Variants in CTBP2 observed in about 807,000 individuals in gnomAD.
CTBP2 encodes the protein C-terminal binding protein 2, also known as C-terminal-binding protein 2.
In CTBP2, 30 loss-of-function variants were observed where a neutral mutation model predicts 80.3. The observed-to-expected ratio is 0.37, with a 90% CI of 0.28 to 0.51. The LOEUF is 0.51. Among genes scored for constraint, CTBP2 ranks in the 20% least tolerant of loss-of-function variants. CTBP2 has a pLI of 0.93. For missense variants in CTBP2, 1,212 were observed against 1,375.3 expected (o/e 0.88, Z 1.88); for synonymous variants, 594 against 587.4 (o/e 1.01, Z -0.16).
At chr10:125,014,155 G>A (rs1206156551) in intron 1 of CTBP2, among the ~76,000 whole-genome samples, 3 of 152,196 alleles carry the variant, frequency 2.0e-5, no homozygotes, top group Non-Finnish European at 2.9e-5. Context: ...ATAGTAACAC[G>A]TGTGTGCTGG....
At chr10:125,054,007 C>T (rs1012492745) in intron 2 of CTBP2, among the ~76,000 whole-genome samples, 1 of 152,138 alleles carries the variant, frequency 6.6e-6, no homozygotes, top group Non-Finnish European at 1.5e-5. Context: ...CAGCCACCCA[C>T]CGGTGACACA....
chr10:125,046,624 C>T lies in CTBP2; in HGVS notation c.-101-7469G>A, dbSNP rs140310374. The stretch of plus-strand genomic sequence containing the variant: ...TCTGTCCATCTAACTCCCACCAAAA[C>T]ATTCTTAGGGGCTTTGAAATGACCA... On this transcript the variant is annotated intron_variant, in intron 2 of 10. Coordinates refer to the CTBP2 transcript ENST00000337195. Among the ~76,000 whole-genome samples the T allele has an allele frequency of 1.3e-3, 192 of 150,686 alleles. 1 individual carries two copies. The highest frequency in any genetic ancestry group is 4.4e-3 in the African/African-American group (179 of 41,052).
chr10:125,048,325 T>C (rs941234113), intron 2 of CTBP2, among the ~76,000 whole-genome samples: 4 of 152,018 alleles, frequency 2.6e-5, no homozygotes, highest in Non-Finnish European at 4.4e-5. Context: ...CTCATTTCTA[T>C]CCCAACTTAA....
At chr10:125,011,530 T>C (rs1454282579) in intron 1 of CTBP2, among the ~76,000 whole-genome samples, 1 of 152,196 alleles carries the variant, frequency 6.6e-6, no homozygotes, top group Non-Finnish European at 1.5e-5. Flanking sequence ...ACGAAGAGCA[T>C]GTGTGGTATC....
At chr10:125,038,003 TA>T (rs573257031) in intron 3 of CTBP2, among the ~76,000 whole-genome samples, 94 of 152,310 alleles carry the variant, frequency 6.2e-4, no homozygotes, top group Admixed American at 1.8e-3. Flanking sequence ...ATGTTTACTT[TA>T]AAAAAACCCT....
At chr10:125,124,679 A>C (rs962732668) in intron 1 of CTBP2, among the ~76,000 whole-genome samples, 1 of 152,246 alleles carries the variant, frequency 6.6e-6, no homozygotes, top group Non-Finnish European at 1.5e-5. Context: ...CAAAAATTAT[A>C]TTCTACATAC....
At chr10:125,116,543 C>T (rs114403294) in intron 1 of CTBP2, among the ~76,000 whole-genome samples, 1 of 152,144 alleles carries the variant, frequency 6.6e-6, no homozygotes, top group Admixed American at 6.5e-5. Context: ...TATCAGAAGC[C>T]GAGCTAAAGC....
intron 2 of CTBP2, among the ~76,000 whole-genome samples, chr10:125,098,694 G>GAC (rs1850024668): frequency 6.6e-5 from 9 of 135,892 alleles, no homozygotes; most frequent in South Asian, 5.0e-4. Flanking sequence ...GAGAGAGAGA[G>GAC]AGAGAGAGAG....
Position 125,136,783 on chromosome 10 carries a change from G to A in CTBP2, c.-206+23536C>T, listed in dbSNP as rs149075067. Among the ~76,000 whole-genome samples, 605 of 152,310 alleles carry A rather than the reference G, an allele frequency of 4.0e-3. 2 individuals carry two copies. Among genetic ancestry groups the A allele is most frequent in the Middle Eastern group, 0.01 (3 of 294 alleles). ...GACAGTTACAAGACACCGTCCAAACGCTGCCTATTAGTCCCCCCAAAACAG... is the reference window on the plus strand; with the variant it reads ...GACAGTTACAAGACACCGTCCAAACACTGCCTATTAGTCCCCCCAAAACAG... On this transcript the variant is annotated intron_variant, in intron 1 of 10. Transcript: ENST00000337195.
chr10:125,057,803 T>C (rs1045570969), intron 2 of CTBP2, among the ~76,000 whole-genome samples: 6 of 152,290 alleles, frequency 3.9e-5, no homozygotes, highest in African/African-American at 1.2e-4. Context: ...CAGCTTACCT[T>C]TTAAACACTC....
rs543841073 is a variant in CTBP2, at chr10:124,984,670, C to T, written c.*4848G>A. ...CATGTGAAAAGTTGATTGCTTTGGC[C>T]TTTTCATGAGTTAGCATACCAGCTG... On this transcript the variant is annotated 3_prime_UTR_variant, in exon 9 of 9. Coordinates refer to ENST00000309035, the MANE Select transcript of CTBP2 (RefSeq NM_022802.3). 3 of 1,202,896 alleles carry T rather than the reference C, an allele frequency of 2.5e-6. No homozygotes were observed. The highest frequency in any genetic ancestry group is 2.4e-5 in the East Asian group (1 of 40,916). 74.5% of individuals were successfully genotyped at this position (1,202,896 alleles called of 1,614,324 possible).
At chr10:125,118,780 C>T (rs1853807432) in intron 1 of CTBP2, among the ~76,000 whole-genome samples, 1 of 152,196 alleles carries the variant, frequency 6.6e-6, no homozygotes, top group Non-Finnish European at 1.5e-5. Context: ...GAAGCCTGGC[C>T]CTGAGGTCCC....
intron 1 of CTBP2, among the ~76,000 whole-genome samples, chr10:125,012,071 A>G (rs957150257): frequency 3.3e-5 from 5 of 152,254 alleles, no homozygotes; most frequent in African/African-American, 1.2e-4. Flanking sequence ...AAGATCCGTG[A>G]AGGGACATCA....
chr10:124,984,715 C>G lies in CTBP2; in HGVS notation c.*4803G>C. On this transcript the variant is annotated 3_prime_UTR_variant, in exon 9 of 9. Coordinates refer to ENST00000309035, the MANE Select transcript of CTBP2 (RefSeq NM_022802.3). ...CAGCTGTAGGTTTCCATGTCACATT[C>G]CTACCAAGTCTCTGATCTGTTGTAT... is the stretch of plus-strand genomic sequence containing the variant. 4 of 1,540,414 alleles carry G rather than the reference C, an allele frequency of 2.6e-6. No homozygotes were observed. The highest frequency in any genetic ancestry group is 3.6e-5 in the Admixed American group (2 of 55,476).
At chr10:125,080,086 A>G (rs1467444132) in intron 2 of CTBP2, among the ~76,000 whole-genome samples, 2 of 152,192 alleles carry the variant, frequency 1.3e-5, no homozygotes, top group Admixed American at 1.3e-4. Flanking sequence ...ACTTAATATC[A>G]CAGCTTACTG....
chr10:125,132,361 G>A (rs181113663), intron 1 of CTBP2, among the ~76,000 whole-genome samples: 2 of 152,170 alleles, frequency 1.3e-5, no homozygotes, highest in East Asian at 3.9e-4. Flanking sequence ...CTTGAGTCCA[G>A]AGATGTTAAA....
chr10:125,067,680 G>A (rs554482918), intron 2 of CTBP2, among the ~76,000 whole-genome samples: 4 of 152,248 alleles, frequency 2.6e-5, no homozygotes, highest in South Asian at 2.1e-4. Context: ...TTAATGGCAC[G>A]CATAACCCTC....
chr10:125,138,862 C>A (rs1265413715), intron 1 of CTBP2, among the ~76,000 whole-genome samples: 1 of 152,166 alleles, frequency 6.6e-6, no homozygotes, highest in Non-Finnish European at 1.5e-5. Context: ...TCTCTTCACT[C>A]GGCTAACTGT....
Position 124,988,555 on chromosome 10 carries a change from T to C in CTBP2, c.*963A>G, listed in dbSNP as rs1952164464. 6.6e-6 allele frequency: 1 copy of C among 152,656 alleles called. No homozygotes were observed. The highest frequency in any genetic ancestry group is 2.1e-4 in the South Asian group (1 of 4,834). The allele number at this position is 152,656 out of a possible 1,614,324, so 9.5% of individuals were successfully genotyped here. ...GCCATCTTTTTAAACAAAAAGGCAA[T>C]GATTCACAAAAGACTATGAATAGAA... On this transcript the variant is annotated 3_prime_UTR_variant, in exon 9 of 9. Coordinates refer to ENST00000309035, the MANE Select transcript of CTBP2 (RefSeq NM_022802.3).
Sources: allele counts gnomAD v4.1 joint callset (sites outside exome capture counted in the v4.1 genomes callset), GRCh38; gene constraint gnomAD v4.1.1; transcripts MANE v1.5; gene names NCBI Gene and HGNC (gene_info 2026-07-23, HGNC 2026-07-21).